The following SCCPDH variants were observed in gnomAD, a reference collection of about 807,000 sequenced individuals.
The protein encoded by SCCPDH is saccharopine dehydrogenase (putative).
SCCPDH carries 34 observed loss-of-function variants against 51.5 expected under a neutral mutation model. The ratio of observed to expected loss-of-function variants is 0.66; its 90% CI spans 0.50 to 0.88. The LOEUF is 0.88. Among genes scored for constraint, SCCPDH ranks in the 40% least tolerant of loss-of-function variants. The probability of loss-of-function intolerance (pLI) is 0.00; values close to 1 mark genes in which losing one functional copy is unlikely to be tolerated. For synonymous variants in SCCPDH, 187 were observed against 191.3 expected, an observed-to-expected ratio of 0.98 and a Z score of 0.19; for missense variants, 464 against 527.1, an observed-to-expected ratio of 0.88 and a Z score of 1.17.
At chr1:246,733,432 TAA>T (rs1491583404) in intron 2 of SCCPDH, among the ~76,000 whole-genome samples, 1 of 150,324 alleles carries the variant, frequency 6.7e-6, no homozygotes, top group Non-Finnish European at 1.5e-5. Context: ...CTTATATGTA[TAA>T]TATATATATA....
chr1:246,760,312 T>A, intron 9 of SCCPDH, 85 bp downstream of exon 9: 2 of 1,115,008 alleles, frequency 1.8e-6, no homozygotes, highest in Non-Finnish European at 2.6e-6. Flanking sequence ...GGGCACTATG[T>A]TTCAGATACT....
intron 3 of SCCPDH, among the ~76,000 whole-genome samples, chr1:246,737,694 C>T (rs570473908): frequency 1.1e-3 from 162 of 151,956 alleles, no homozygotes; most frequent in Non-Finnish European, 2.0e-3. Flanking sequence ...TGGGTTCAAG[C>T]GATTCTCCTG....
At chr1:246,732,533 T>A (rs1668506963) in intron 2 of SCCPDH, among the ~76,000 whole-genome samples, 1 of 152,034 alleles carries the variant, frequency 6.6e-6, no homozygotes, top group African/African-American at 2.4e-5. Flanking sequence ...AACTACAGGC[T>A]CATGCCGCCA....
intron 2 of SCCPDH, among the ~76,000 whole-genome samples, chr1:246,731,048 G>C (rs1164652832): frequency 6.6e-6 from 1 of 152,160 alleles, no homozygotes; most frequent in Non-Finnish European, 1.5e-5. Context: ...CAGCAAGAAT[G>C]AAACTCCAGC....
intron 10 of SCCPDH, 125 bp downstream of exon 10, chr1:246,764,482 T>A: frequency 2.0e-6 from 1 of 504,972 alleles, no homozygotes; most frequent in Admixed American, 4.0e-5. Context: ...ACAAATTAAG[T>A]AACTTAAAAT....
At chr1:246,767,143 G>A in intron 11 of SCCPDH, 52 bp from the exon 12 acceptor site, 1 of 1,274,196 alleles carries the variant, frequency 7.8e-7, no homozygotes, top group South Asian at 1.4e-5. Context: ...CTGTGAAATA[G>A]GAGACTGGAG....
chr1:246,733,489 T>TACAC (rs1188042309), intron 2 of SCCPDH, among the ~76,000 whole-genome samples: 2 of 88,256 alleles, frequency 2.3e-5, no homozygotes, highest in Non-Finnish European at 5.3e-5. Context: ...CATCATATTT[T>TACAC]ATACACACAC....
intron 1 of SCCPDH, among the ~76,000 whole-genome samples, chr1:246,726,562 G>C (rs1668403382): frequency 2.0e-5 from 3 of 152,174 alleles, no homozygotes; most frequent in Admixed American, 6.5e-5. Context: ...TGTTGGAGAG[G>C]AAGTCTGGAT....
intron 2 of SCCPDH, among the ~76,000 whole-genome samples, chr1:246,734,426 A>C (rs990977512): frequency 6.6e-6 from 1 of 152,232 alleles, no homozygotes; most frequent in African/African-American, 2.4e-5. Context: ...TTAGTAGGTG[A>C]TGGATTCCAG....
At chr1:246,766,987 T>A (rs1572310557) in intron 11 of SCCPDH, among the ~76,000 whole-genome samples, 1 of 152,148 alleles carries the variant, frequency 6.6e-6, no homozygotes, top group Non-Finnish European at 1.5e-5. Flanking sequence ...ACAGAGCCAG[T>A]CTAGATAGGG....
At chr1:246,744,846 G>T (rs139873925) in intron 5 of SCCPDH, among the ~76,000 whole-genome samples, 1 of 151,650 alleles carries the variant, frequency 6.6e-6, no homozygotes, top group Non-Finnish European at 1.5e-5. Flanking sequence ...GGCTGGTCTC[G>T]AATTCCTGGC....
At chr1:246,767,150 G>A in intron 11 of SCCPDH, 45 bp from the exon 12 acceptor site, 1 of 1,368,898 alleles carries the variant, frequency 7.3e-7, no homozygotes, top group Non-Finnish European at 1.0e-6. Flanking sequence ...ATAGGAGACT[G>A]GAGAGGAGCT....
chr1:246,743,642 A>G (rs1668713391), intron 4 of SCCPDH, among the ~76,000 whole-genome samples: 1 of 152,024 alleles, frequency 6.6e-6, no homozygotes, highest in East Asian at 1.9e-4. Context: ...GATTATAGGC[A>G]TGAGCCACCA....
In SCCPDH at chr1:246,736,004, A is replaced by T. The variant is rs1165765196; in HGVS notation, c.333A>T (p.Lys111Asn). The T allele has an allele frequency of 6.2e-7, 1 of 1,612,746 alleles. No homozygotes were observed. The highest frequency in any genetic ancestry group is 8.5e-7 in the Non-Finnish European group (1 of 1,178,926). Residue 111 changes from lysine to asparagine, a missense_variant, in exon 3 of 12, where the codon AAA becomes AAT. Lys to Asn is a moderately conservative substitution (Grantham distance 94). Coordinates refer to ENST00000366510, the MANE Select transcript of SCCPDH (RefSeq NM_016002.3). ...GGTTTTATGGAGAACCTGTAATAAA[A>T]GCATGTATTGAAAATGGAGCCAGTT... ...PYRFYGEPVI[K>N]ACIENGASCI...
intron 5 of SCCPDH, among the ~76,000 whole-genome samples, chr1:246,746,598 T>TGA (rs879792566): frequency 5.3e-5 from 8 of 152,130 alleles, no homozygotes; most frequent in Non-Finnish European, 1.2e-4. Context: ...CCCAGCACTT[T>TGA]GGGAGGCTGA....
chr1:246,760,166 T>G lies in SCCPDH; in HGVS notation c.934-5T>G, dbSNP rs1668990416. On this transcript the variant is annotated splice_region_variant and splice_polypyrimidine_tract_variant and intron_variant, in intron 8 of 11. Transcript: ENST00000366510. ...ATATCACTGACGGTTTTTTTTTCCCTTTAGTTCCCATGGTTCTTCTCCTTT... is the reference window on the plus strand; with the variant it reads ...ATATCACTGACGGTTTTTTTTTCCCGTTAGTTCCCATGGTTCTTCTCCTTT... 2 of 1,606,566 alleles carry G rather than the reference T, an allele frequency of 1.2e-6. No individual in the cohort carries two copies. Among genetic ancestry groups the G allele is most frequent in the Non-Finnish European group, 1.7e-6 (2 of 1,178,174 alleles).
chr1:246,743,925 T>A, intron 4 of SCCPDH, 151 bp from the exon 5 acceptor site: 2 of 537,034 alleles, frequency 3.7e-6, no homozygotes, highest in Admixed American at 3.6e-5. Context: ...TACAAAAACA[T>A]AATAAAACTG....
At chr1:246,724,655 C>G (rs1668359980) in intron 1 of SCCPDH, 43 bp downstream of exon 1, 1 of 1,411,508 alleles carries the variant, frequency 7.1e-7, no homozygotes, top group Non-Finnish European at 9.2e-7. Context: ...GCGGCTGGGC[C>G]GGGGACCCCG....
chr1:246,724,417 C>G lies in SCCPDH; in HGVS notation c.-6C>G, dbSNP rs1040181673. On this transcript the variant is annotated 5_prime_UTR_variant, in exon 1 of 12. Transcript: ENST00000366510. The stretch of plus-strand genomic sequence containing the variant: ...CCCCGGGGCCTGGGCTCGCTGTGGA[C>G]TCGTCATGGCGACCGAGCAGAGGCC... 1.9e-6 allele frequency: 3 copies of G among 1,560,288 alleles called. No homozygotes were observed. The highest frequency in any genetic ancestry group is 2.6e-6 in the Non-Finnish European group (3 of 1,156,760).
Sources: gnomAD v4.1 joint callset for allele counts (sites outside exome capture counted in the v4.1 genomes callset) on GRCh38, gnomAD v4.1.1 for gene constraint, MANE v1.5 for transcripts, NCBI Gene and HGNC (gene_info 2026-07-23, HGNC 2026-07-21) for gene names.